HS3ST4: variants seen among roughly 807,000 people sequenced by gnomAD.
HS3ST4 encodes the protein heparan sulfate-glucosamine 3-sulfotransferase 4, also known as heparan sulfate glucosamine 3-O-sulfotransferase 4.
In HS3ST4, 17 loss-of-function variants were observed where a neutral mutation model predicts 29.2. That is an observed-to-expected ratio of 0.58 (90% CI 0.40 to 0.87). The LOEUF (loss-of-function observed/expected upper bound fraction) is 0.87, where lower values mean the gene tolerates loss of function less well. HS3ST4 is among the 40% of genes least tolerant of loss of function. The pLI, the probability that HS3ST4 is intolerant of heterozygous loss-of-function variation, is 0.00. For synonymous variants in HS3ST4, 314 were observed against 285.7 expected, an observed-to-expected ratio of 1.10 and a Z score of -1.00; for missense variants, 627 against 634.5, an observed-to-expected ratio of 0.99 and a Z score of 0.13.
chr16:26,110,539 T>C lies in HS3ST4; in HGVS notation c.735-25073T>C, dbSNP rs140462241. ...AGTTACCCTGACATCCCTCTTCTTATTATATCCACACCAAATTCTATTGGC... is the reference window on the plus strand; with the variant it reads ...AGTTACCCTGACATCCCTCTTCTTACTATATCCACACCAAATTCTATTGGC... On this transcript the variant is annotated intron_variant, in intron 1 of 1. Coordinates refer to ENST00000331351, the MANE Select transcript of HS3ST4 (RefSeq NM_006040.3). Among the ~76,000 whole-genome samples, 762 of 152,316 alleles carry C rather than the reference T, an allele frequency of 5.0e-3. 10 individuals are homozygous for C. The highest frequency in any genetic ancestry group is 0.017 in the African/African-American group (727 of 41,570).
chr16:26,111,921 G>A (rs933717621), intron 1 of HS3ST4, among the ~76,000 whole-genome samples: 5 of 151,454 alleles, frequency 3.3e-5, no homozygotes, highest in Non-Finnish European at 7.4e-5. Context: ...TGAGGCTGAG[G>A]CAGGAGAATC....
chr16:26,034,566 T>C (rs745750836), intron 1 of HS3ST4, among the ~76,000 whole-genome samples: 1 of 151,964 alleles, frequency 6.6e-6, no homozygotes, highest in Non-Finnish European at 1.5e-5. Context: ...TCCAGGTTGC[T>C]CTCTGTCCTG....
intron 1 of HS3ST4, among the ~76,000 whole-genome samples, chr16:25,995,533 G>A (rs1255450326): frequency 6.6e-6 from 1 of 152,188 alleles, no homozygotes; most frequent in Non-Finnish European, 1.5e-5. Flanking sequence ...GACTGTACTA[G>A]GAGCAACCAG....
At chr16:25,797,824 T>C (rs1263030966) in intron 1 of HS3ST4, among the ~76,000 whole-genome samples, 1 of 152,248 alleles carries the variant, frequency 6.6e-6, no homozygotes, top group Non-Finnish European at 1.5e-5. Flanking sequence ...AGTTTCTTTA[T>C]GCTGGAGAAA....
intron 1 of HS3ST4, among the ~76,000 whole-genome samples, chr16:25,839,678 G>A (rs1967393897): frequency 6.6e-6 from 1 of 152,142 alleles, no homozygotes; most frequent in Non-Finnish European, 1.5e-5. Context: ...ACAGTGATCA[G>A]TGAATATCGC....
intron 1 of HS3ST4, among the ~76,000 whole-genome samples, chr16:25,940,068 C>T (rs772803359): frequency 1.2e-4 from 18 of 152,100 alleles, no homozygotes; most frequent in Non-Finnish European, 2.4e-4. Flanking sequence ...AAGCAGACCT[C>T]GGAGGAGGTC....
chr16:26,110,752 C>T (rs1899117787), intron 1 of HS3ST4, among the ~76,000 whole-genome samples: 1 of 152,114 alleles, frequency 6.6e-6, no homozygotes, highest in African/African-American at 2.4e-5. Flanking sequence ...CTGAGGACTC[C>T]TCACGGCACT....
At chr16:25,920,829 G>C (rs1382331399) in intron 1 of HS3ST4, among the ~76,000 whole-genome samples, 1 of 151,926 alleles carries the variant, frequency 6.6e-6, no homozygotes, top group Non-Finnish European at 1.5e-5. Context: ...TGTTGCCCAG[G>C]CTGGTCTCGA....
chr16:25,698,915 A>G (rs958240131), intron 1 of HS3ST4, among the ~76,000 whole-genome samples: 1 of 152,256 alleles, frequency 6.6e-6, no homozygotes, highest in African/African-American at 2.4e-5. Context: ...CTCTGGCTGA[A>G]GGGGAAGCCA....
intron 1 of HS3ST4, among the ~76,000 whole-genome samples, chr16:25,775,141 G>A (rs1450653724): frequency 6.6e-6 from 1 of 152,188 alleles, no homozygotes; most frequent in Non-Finnish European, 1.5e-5. Flanking sequence ...ATTTCATTCT[G>A]TTATTCTATG....
intron 1 of HS3ST4, among the ~76,000 whole-genome samples, chr16:25,957,218 G>GA: frequency 6.6e-6 from 1 of 152,062 alleles, no homozygotes; most frequent in South Asian, 2.1e-4. Flanking sequence ...TCCTCCTTTA[G>GA]AAAAAACCTC....
intron 1 of HS3ST4, among the ~76,000 whole-genome samples, chr16:26,104,303 T>C (rs1488177183): frequency 6.6e-6 from 1 of 152,240 alleles, no homozygotes. Flanking sequence ...CAGTTTCTAC[T>C]GCAGTTCTAG....
intron 1 of HS3ST4, among the ~76,000 whole-genome samples, chr16:26,037,956 G>C (rs1969598230): frequency 6.6e-6 from 1 of 152,168 alleles, no homozygotes; most frequent in African/African-American, 2.4e-5. Context: ...GCATATAACA[G>C]ATCAGGCCAC....
chr16:25,883,822 G>A (rs753702349), intron 1 of HS3ST4, among the ~76,000 whole-genome samples: 7 of 152,146 alleles, frequency 4.6e-5, no homozygotes, highest in African/African-American at 9.7e-5. Flanking sequence ...ATGCTATTAA[G>A]AATCCAGCCC....
chr16:25,796,279 T>A (rs1966885388), intron 1 of HS3ST4, among the ~76,000 whole-genome samples: 1 of 152,186 alleles, frequency 6.6e-6, no homozygotes, highest in African/African-American at 2.4e-5. Flanking sequence ...GAGCTCACCC[T>A]GGTGAGCATC....
intron 1 of HS3ST4, among the ~76,000 whole-genome samples, chr16:25,742,242 C>G (rs964384837): frequency 1.4e-4 from 22 of 152,162 alleles, no homozygotes; most frequent in African/African-American, 5.3e-4. Context: ...ATGGACAAGC[C>G]CTCTTCACAT....
At chr16:26,089,570 T>C (rs549994691) in intron 1 of HS3ST4, among the ~76,000 whole-genome samples, 6 of 152,186 alleles carry the variant, frequency 3.9e-5, no homozygotes, top group Non-Finnish European at 8.8e-5. Context: ...GCTGAGAGCT[T>C]TCTTCATGCC....
intron 1 of HS3ST4, among the ~76,000 whole-genome samples, chr16:25,916,651 C>A (rs953027294): frequency 1.3e-5 from 2 of 150,250 alleles, no homozygotes; most frequent in Non-Finnish European, 3.0e-5. Context: ...CATGAGCCAC[C>A]GTGCCCAGCC....
intron 1 of HS3ST4, among the ~76,000 whole-genome samples, chr16:25,861,929 T>C (rs373968408): frequency 3.0e-4 from 46 of 152,316 alleles, no homozygotes; most frequent in African/African-American, 9.9e-4. Flanking sequence ...AGCTATAGTT[T>C]GTTCATTTTC....
Sources: allele counts gnomAD v4.1 joint callset (sites outside exome capture counted in the v4.1 genomes callset), GRCh38; gene constraint gnomAD v4.1.1; transcripts MANE v1.5; gene names NCBI Gene and HGNC (gene_info 2026-07-23, HGNC 2026-07-21).